Variants in UGT1A4 observed in about 807,000 individuals in gnomAD.
The protein encoded by UGT1A4 is UDP-glucuronosyltransferase 1A4.
A neutral mutation model predicts 41.1 loss-of-function variants in UGT1A4; 32 were observed. That is an observed-to-expected ratio of 0.78 (90% CI 0.59 to 1.05). The LOEUF (loss-of-function observed/expected upper bound fraction) is 1.05. Ranked by LOEUF, UGT1A4 falls within the 50% of genes least tolerant of loss-of-function variation. UGT1A4 has a pLI of 0.00. For missense variants in UGT1A4, 748 were observed against 677.4 expected, an observed-to-expected ratio of 1.10 and a Z score of -1.16; for synonymous variants, 283 against 265.1, an observed-to-expected ratio of 1.07 and a Z score of -0.66.
chr2:233,748,068 C>G, intron 1 of UGT1A4: 1 of 1,613,324 alleles, frequency 6.2e-7, no homozygotes, highest in Non-Finnish European at 8.5e-7. Flanking sequence ...CAACAGGAAG[C>G]CACTATCTCA....
At position 233,760,758 on chromosome 2, in the gene UGT1A4, C is replaced by T. The variant is rs765894633; in HGVS notation, c.868-6276C>T. The stretch of plus-strand genomic sequence containing the variant: ...TGACGGACCCTTTCCTTCCTTGCAG[C>T]CCCATCGTGGCCCAGTACCTGTCTC... On this transcript the variant is annotated intron_variant, in intron 1 of 4. Transcript: ENST00000373409. 28 of 1,613,982 alleles carry T rather than the reference C, an allele frequency of 1.7e-5. No homozygotes were observed. In the Admixed American group the frequency reaches 3.0e-4, roughly 17 times the overall value.
chr2:233,771,304 C>T (rs1274088915), intron 4 of UGT1A4: 1 of 152,118 alleles, frequency 6.6e-6, no homozygotes, highest in Non-Finnish European at 1.5e-5. Flanking sequence ...CTTCCTCCTC[C>T]TTTTCCCTCT....
intron 1 of UGT1A4, among the ~76,000 whole-genome samples, chr2:233,763,564 T>C (rs1698345105): frequency 6.6e-6 from 1 of 152,236 alleles, no homozygotes; most frequent in Non-Finnish European, 1.5e-5. Context: ...AAGTTACTGT[T>C]CTTATTTTCT....
intron 1 of UGT1A4, among the ~76,000 whole-genome samples, chr2:233,728,333 C>T (rs2077701109): frequency 6.6e-6 from 1 of 152,198 alleles, no homozygotes; most frequent in Admixed American, 6.5e-5. Context: ...CCAGCTCCCC[C>T]AGTCCCTTGG....
In UGT1A4 at chr2:233,769,722, G is replaced by C. The variant is rs906143757; in HGVS notation, c.1307+1283G>C. The C allele has an allele frequency of 4.0e-5, 60 of 1,484,822 alleles. No homozygotes were observed. The highest frequency in any genetic ancestry group is 4.9e-5 in the Non-Finnish European group (55 of 1,116,098). 92.0% of individuals were successfully genotyped at this position (1,484,822 alleles called of 1,614,324 possible). On this transcript the variant is annotated intron_variant, in intron 4 of 4. Coordinates refer to ENST00000373409, the MANE Select transcript of UGT1A4 (RefSeq NM_007120.3). The surrounding 1 kb of genome is among the most constrained non-coding windows in gnomAD (Gnocchi z 4.4). ...AGATCAATGTTGGCTAGGCACCATGGCACACGCCTGTAGTCCCAGCCACTC... is the reference window on the plus strand; with the variant it reads ...AGATCAATGTTGGCTAGGCACCATGCCACACGCCTGTAGTCCCAGCCACTC...
At chr2:233,755,100 G>C (rs920872791) in intron 1 of UGT1A4, 1 of 1,335,078 alleles carries the variant, frequency 7.5e-7, no homozygotes, top group Non-Finnish European at 1.0e-6. Flanking sequence ...CTACGCGTCC[G>C]ACAACACCTC....
intron 1 of UGT1A4, among the ~76,000 whole-genome samples, chr2:233,748,613 G>A (rs1489441058): frequency 2.0e-5 from 3 of 151,820 alleles, no homozygotes; most frequent in African/African-American, 7.3e-5. Flanking sequence ...AGCAACGAAC[G>A]TGGGATATAT....
chr2:233,747,448 C>A (rs577048097), intron 1 of UGT1A4: 2 of 1,609,000 alleles, frequency 1.2e-6, no homozygotes, highest in East Asian at 4.5e-5. Flanking sequence ...ACCCTGACAA[C>A]CTATGCCATT....
intron 2 of UGT1A4, 105 bp downstream of exon 2, chr2:233,767,270 C>T: frequency 6.3e-7 from 1 of 1,582,714 alleles, no homozygotes; most frequent in Non-Finnish European, 8.5e-7. Flanking sequence ...TTAGATTTGG[C>T]TTTTCCCTGC....
Position 233,760,901 on chromosome 2 carries a change from C to T in UGT1A4, c.868-6133C>T, listed in dbSNP as rs766170365. The T allele has an allele frequency of 1.9e-6, 3 of 1,614,178 alleles. No homozygotes were observed. The highest frequency in any genetic ancestry group is 2.2e-5 in the East Asian group (1 of 44,884). On this transcript the variant is annotated intron_variant, in intron 1 of 4. Coordinates refer to ENST00000373409, the MANE Select transcript of UGT1A4 (RefSeq NM_007120.3). ...CTCTCCTCTCATTCAGATCACATGA[C>T]CTTCCTGCAGCGGGTGAAGAACATG... is the stretch of plus-strand genomic sequence containing the variant.
intron 1 of UGT1A4, among the ~76,000 whole-genome samples, chr2:233,757,237 G>A (rs934009312): frequency 2.7e-4 from 40 of 149,716 alleles, no homozygotes; most frequent in African/African-American, 9.6e-4. Flanking sequence ...CAGAAGTGGT[G>A]GTGAGGTGGG....
Position 233,746,504 on chromosome 2 carries a change from C to T in UGT1A4, c.868-20530C>T, listed in dbSNP as rs747424626. 1.1e-4 allele frequency among the ~76,000 whole-genome samples: 17 copies of T among 151,868 alleles called. 1 individual carries two copies. Among genetic ancestry groups the T allele is most frequent in the East Asian group, 5.8e-4 (3 of 5,180 alleles). Reference sequence around the variant, plus strand: ...CCATGGACATGTCACTCTTTAGTAGCCCCCAAAGCAAGACCATCATATTGC... The same window carrying T: ...CCATGGACATGTCACTCTTTAGTAGTCCCCAAAGCAAGACCATCATATTGC... On this transcript the variant is annotated intron_variant, in intron 1 of 4. Transcript: ENST00000373409.
intron 1 of UGT1A4, among the ~76,000 whole-genome samples, chr2:233,725,249 G>GGCA (rs1424626643): frequency 6.2e-5 from 3 of 48,540 alleles, no homozygotes; most frequent in African/African-American, 3.4e-4. Flanking sequence ...CAGAGGCAGA[G>GGCA]GAGGCAGAGG....
intron 1 of UGT1A4, among the ~76,000 whole-genome samples, chr2:233,750,418 A>G (rs1270471550): frequency 3.3e-5 from 5 of 151,986 alleles, no homozygotes; most frequent in East Asian, 1.9e-4. Context: ...GTGGTAGAAA[A>G]GAAAAACCCA....
intron 1 of UGT1A4, among the ~76,000 whole-genome samples, chr2:233,758,456 A>T (rs1329200911): frequency 2.0e-5 from 3 of 152,254 alleles, no homozygotes; most frequent in Non-Finnish European, 4.4e-5. Flanking sequence ...TGGAAGAATT[A>T]TCACCCTTAA....
intron 1 of UGT1A4, chr2:233,743,354 T>G (rs1575654135): frequency 1.0e-6 from 1 of 972,108 alleles, no homozygotes; most frequent in South Asian, 1.3e-5. Flanking sequence ...GACATGGACT[T>G]GAAGCTGCCT....
rs188436882 is a variant in UGT1A4, at chr2:233,767,775, A to G, written c.1000-74A>G. ...TTCCTTCAGAGGACCCCTGTTTTCT[A>G]GTTAGTATAGCAGATTTGTTTTCTA... is the stretch of plus-strand genomic sequence containing the variant. On this transcript the variant is annotated intron_variant, in intron 2 of 4. Transcript: ENST00000373409. 16 of 1,612,270 alleles carry G rather than the reference A, an allele frequency of 9.9e-6. No individual in the cohort carries two copies. In the East Asian group the frequency reaches 3.1e-4, roughly 31 times the overall value.
In UGT1A4 at chr2:233,772,791, C is replaced by A; in HGVS notation, c.*232C>A. On this transcript the variant is annotated 3_prime_UTR_variant, in exon 5 of 5. Coordinates refer to ENST00000373409, the MANE Select transcript of UGT1A4 (RefSeq NM_007120.3). ...CCTCTGGTGTCTTTGATCAGGATGACATGTGCCATTTTTCAGAGGACGTGC... is the reference window on the plus strand; with the variant it reads ...CCTCTGGTGTCTTTGATCAGGATGAAATGTGCCATTTTTCAGAGGACGTGC... The A allele has an allele frequency of 8.2e-7, 1 of 1,224,562 alleles. No individual in the cohort carries two copies. Among genetic ancestry groups the A allele is most frequent in the Non-Finnish European group, 1.1e-6 (1 of 921,630 alleles). 75.9% of individuals were successfully genotyped at this position (1,224,562 alleles called of 1,614,324 possible).
At chr2:233,770,240 T>A (rs1700042980) in intron 4 of UGT1A4, 1 of 152,226 alleles carries the variant, frequency 6.6e-6, no homozygotes, top group Non-Finnish European at 1.5e-5. Flanking sequence ...TCTCCATGAT[T>A]CCAACACTCT....
Sources: gnomAD v4.1 joint callset for allele counts (sites outside exome capture counted in the v4.1 genomes callset) on GRCh38, gnomAD v4.1.1 for gene constraint, Gnocchi (gnomAD v3.1) non-coding constraint, MANE v1.5 for transcripts, NCBI Gene and HGNC (gene_info 2026-07-23, HGNC 2026-07-21) for gene names.